The following TBX10 variants were observed in gnomAD, a reference collection of about 807,000 sequenced individuals.
TBX10 encodes the protein T-box transcription factor 10, also known as T-box transcription factor TBX10.
In TBX10, 26 loss-of-function variants were observed where a neutral mutation model predicts 32.4. The observed-to-expected ratio is 0.80, with a 90% confidence interval of 0.59 to 1.11. The LOEUF (loss-of-function observed/expected upper bound fraction) is 1.11. Among genes scored for constraint, TBX10 ranks in the 50% most tolerant of loss-of-function variants. TBX10 has a pLI of 0.00. For synonymous variants in TBX10, 195 were observed against 203.1 expected, an observed-to-expected ratio of 0.96 and a Z score of 0.34; for missense variants, 490 against 494.5, an observed-to-expected ratio of 0.99 and a Z score of 0.09.
At chr11:67,632,469 G>T (rs1174020380) in intron 6 of TBX10, 57 bp from the exon 7 acceptor site, 12 of 1,587,370 alleles carry the variant, frequency 7.6e-6, no homozygotes, top group Non-Finnish European at 1.0e-5. Context: ...CCAGGCCAGG[G>T]ATCATGGCCA....
At chr11:67,638,135 G>C (rs917840101) in intron 1 of TBX10, among the ~76,000 whole-genome samples, 1 of 152,074 alleles carries the variant, frequency 6.6e-6, no homozygotes, top group African/African-American at 2.4e-5. Flanking sequence ...TGAACCCAAG[G>C]GGGTGGAGGT....
rs1228964334 is a variant in TBX10 at position 67,633,114 on chromosome 11, G to A, written c.550-11C>T. Reference sequence around the variant, plus strand: ...AGAGTTGAGAATGATCTGTGGAAGGGACAGAGCAGGGGTACAGGGGTGAGG... The same window carrying A: ...AGAGTTGAGAATGATCTGTGGAAGGAACAGAGCAGGGGTACAGGGGTGAGG... On this transcript the variant is annotated splice_polypyrimidine_tract_variant and intron_variant, in intron 4 of 7. Coordinates refer to ENST00000335385, the MANE Select transcript of TBX10 (RefSeq NM_005995.5). 6.2e-7 allele frequency: 1 copy of A among 1,613,208 alleles called. No homozygotes were observed. Among genetic ancestry groups the A allele is most frequent in the African/African-American group, 1.3e-5 (1 of 74,912 alleles).
In TBX10 at chr11:67,634,872, G is replaced by T; in HGVS notation, c.321C>A (p.Ser107=). 5 of 1,613,492 alleles carry T rather than the reference G, an allele frequency of 3.1e-6. No individual in the cohort carries two copies. The highest frequency in any genetic ancestry group is 4.2e-6 in the Non-Finnish European group (5 of 1,180,032). The change falls in exon 3 of 8, where the codon TCC becomes TCA. Residue 107 remains serine (S), a synonymous_variant. Coordinates refer to ENST00000335385, the MANE Select transcript of TBX10 (RefSeq NM_005995.5). The part of the protein sequence containing the change: ...PFQVKILGMD[S]LADYALLMDF... ...CCATGAGCAGGGCGTAGTCGGCCAG[G>T]GAGTCCATGCCCAGGATCTTCACCT...
intron 1 of TBX10, among the ~76,000 whole-genome samples, chr11:67,637,417 C>T (rs1043685041): frequency 3.3e-5 from 5 of 152,088 alleles, no homozygotes; most frequent in East Asian, 1.9e-4. Context: ...GAGAGTACAC[C>T]GAACAAAGGA....
intron 4 of TBX10, among the ~76,000 whole-genome samples, 176 bp from the exon 5 acceptor site, chr11:67,633,279 G>A (rs576129152): frequency 6.6e-6 from 1 of 152,188 alleles, no homozygotes; most frequent in African/African-American, 2.4e-5. Flanking sequence ...GGCCCCTTTG[G>A]ATCATGGATC....
intron 4 of TBX10, among the ~76,000 whole-genome samples, chr11:67,633,896 C>T (rs1004080762): frequency 6.6e-6 from 1 of 152,188 alleles, no homozygotes; most frequent in African/African-American, 2.4e-5. Flanking sequence ...ATGCTGTGTC[C>T]ACACATAAAG....
At chr11:67,632,435 G>T in intron 6 of TBX10, 23 bp from the exon 7 acceptor site, 1 of 1,607,322 alleles carries the variant, frequency 6.2e-7, no homozygotes. Flanking sequence ...GCGAGAATGG[G>T]GGGAGGGGAT....
At chr11:67,634,971 C>G (rs1404343242) in intron 2 of TBX10, 25 bp downstream of exon 2, 9 of 1,613,312 alleles carry the variant, frequency 5.6e-6, no homozygotes, top group Non-Finnish European at 7.6e-6. Flanking sequence ...TGGCCCCTGC[C>G]TCACCCCGCC....
upstream of TBX10, among the ~76,000 whole-genome samples, chr11:67,640,088 AGGCTGGCCCCAGCCGGCC>A (rs1033621227): frequency 6.6e-6 from 1 of 151,988 alleles, no homozygotes; most frequent in African/African-American, 2.4e-5. Context: ...CCCTGACCTG[AGGCTGGCCCCAGCCGGCC>A]GGCAGATGCG....
chr11:67,631,988 A>C, intron 7 of TBX10, 94 bp from the exon 8 acceptor site: 5 of 1,499,398 alleles, frequency 3.3e-6, no homozygotes, highest in Non-Finnish European at 4.5e-6. Context: ...CTCCTTCCCA[A>C]GTTACCTACC....
chr11:67,632,970 A>G lies in TBX10; in HGVS notation c.683T>C (p.Val228Ala), dbSNP rs1855261121. The G allele has an allele frequency of 1.2e-6, 2 of 1,614,068 alleles. No homozygotes were observed. The highest frequency in any genetic ancestry group is 1.7e-6 in the Non-Finnish European group (2 of 1,180,024). Residue 228 changes from valine (V) to alanine (A), a missense_variant, in exon 5 of 8, where the codon GTG (valine) becomes GCG (alanine). Val to Ala is a moderately conservative substitution (Grantham distance 64). Around this residue, in one of 3 missense-constraint regions of TBX10, gnomAD observed 6 missense variants for 23.1 expected, o/e 0.26. Coordinates refer to ENST00000335385, the MANE Select transcript of TBX10 (RefSeq NM_005995.5). ...FIFTETQFTA[V>A]TAYQNHRITQ... ...CACCCTGTGGTTCTGATAGGCTGTC[A>G]CTGCTGTGAACTGGGTCTCTGTGAA...
At chr11:67,639,393 TCCCACCC>T in intron 1 of TBX10, 66 bp downstream of exon 1, 15 of 726,912 alleles carry the variant, frequency 2.1e-5, no homozygotes, top group East Asian at 5.5e-5. Context: ...CTGTCTTGGT[TCCCACCC>T]TGCCCACCCA....
chr11:67,639,391 G>A (rs772680513), intron 1 of TBX10, 75 bp downstream of exon 1: 3 of 779,178 alleles, frequency 3.9e-6, no homozygotes, highest in Middle Eastern at 2.8e-4. Flanking sequence ...GGCTGTCTTG[G>A]TTCCCACCCT....
rs938000659 is a variant in TBX10 at position 67,639,559 on chromosome 11, G to A, written c.-87C>T. 18 of 1,571,916 alleles carry A rather than the reference G, an allele frequency of 1.1e-5. No homozygotes were observed. The highest frequency in any genetic ancestry group is 2.3e-5 in the East Asian group (1 of 44,030). On this transcript the variant is annotated 5_prime_UTR_variant, in exon 1 of 8. It adds an upstream start codon to the 5' untranslated region. Transcript: ENST00000335385. Reference sequence around the variant, plus strand: ...CTGCTGGAAGGGGTGGTCACCACTCGTCCACTCGGCACCTCAGCTCAGCCC... The same window carrying A: ...CTGCTGGAAGGGGTGGTCACCACTCATCCACTCGGCACCTCAGCTCAGCCC...
rs764900930 is a variant in TBX10, at chr11:67,631,716, G to C, written c.1047C>G (p.Pro349=). 4 of 1,610,068 alleles carry C rather than the reference G, an allele frequency of 2.5e-6. No homozygotes were observed. Among genetic ancestry groups the C allele is most frequent in the South Asian group, 1.1e-5 (1 of 90,082 alleles). The change falls in exon 8 of 8, where the codon CCC becomes CCG. Residue 349 remains proline (P), a synonymous_variant. Coordinates refer to ENST00000335385, the MANE Select transcript of TBX10 (RefSeq NM_005995.5). The stretch of plus-strand genomic sequence containing the variant: ...CCCTATCAGCCCGGATGTTGGGGAG[G>C]GGGTATGGTGCTGGTCGGGTCCTTG... ...GIPRTRPAPY[P]LPNIRADRDQ... is the part of the protein sequence containing the mutation.
chr11:67,632,170 G>A, intron 7 of TBX10, 148 bp downstream of exon 7: 1 of 1,014,796 alleles, frequency 9.9e-7, no homozygotes. Flanking sequence ...ATTGTCTTAG[G>A]CATGTCTGCT....
chr11:67,635,155 G>A lies in TBX10; in HGVS notation c.116C>T (p.Pro39Leu). ...TTGGGCCCCAGTAGAGCTGGTGCAAGGGCCTGATGGGAATGGTGACCCCAG... is the reference window on the plus strand; with the variant it reads ...TTGGGCCCCAGTAGAGCTGGTGCAAAGGCCTGATGGGAATGGTGACCCCAG... The part of the protein sequence containing the change: ...PRLGSPFPSG[P>L]CTSSTGAQAV... Residue 39 changes from proline to leucine, a missense_variant, in exon 2 of 8, where the codon CCT becomes CTT. Transcript: ENST00000335385. The A allele has an allele frequency of 6.2e-7, 1 of 1,613,828 alleles. No individual in the cohort carries two copies. The highest frequency in any genetic ancestry group is 8.5e-7 in the Non-Finnish European group (1 of 1,180,040).
rs886753887 is a variant in TBX10 at position 67,632,626 on chromosome 11, A to G, written c.750T>C (p.Phe250=). The change falls in exon 6 of 8, where the codon TTT becomes TTC. Residue 250 remains phenylalanine, a synonymous_variant. Transcript: ENST00000335385. The part of the protein sequence containing the change: ...KIASNPFAKG[F]RESDLDSWPV... ...ACCAGGAGTCCAGGTCACTCTCTCT[A>G]AAGCCTTTGGCAAAAGGGTTGCTGG... The G allele has an allele frequency of 2.5e-6, 4 of 1,613,946 alleles. No homozygotes were observed. The highest frequency in any genetic ancestry group is 3.4e-6 in the Non-Finnish European group (4 of 1,180,018).
rs1450041385 is a variant in TBX10 at position 67,634,931 on chromosome 11, G to T, written c.276-14C>A. Reference sequence around the variant, plus strand: ...GGGAACATCCTCCTGCGGGAGGGAGGTGCTCAGCAGCCGGATGCGGCTCCA... The same window carrying T: ...GGGAACATCCTCCTGCGGGAGGGAGTTGCTCAGCAGCCGGATGCGGCTCCA... On this transcript the variant is annotated splice_polypyrimidine_tract_variant and intron_variant, in intron 2 of 7. Coordinates refer to ENST00000335385, the MANE Select transcript of TBX10 (RefSeq NM_005995.5). The T allele has an allele frequency of 6.2e-7, 1 of 1,613,150 alleles. No homozygotes were observed. The highest frequency in any genetic ancestry group is 8.5e-7 in the Non-Finnish European group (1 of 1,179,976).
Sources: allele counts gnomAD v4.1 joint callset (sites outside exome capture counted in the v4.1 genomes callset), GRCh38; gene constraint gnomAD v4.1.1; regional missense constraint gnomAD v4.1.1; transcripts MANE v1.5; gene names NCBI Gene and HGNC (gene_info 2026-07-23, HGNC 2026-07-21).